GPN3: variants seen among roughly 807,000 people sequenced by gnomAD.
The protein encoded by GPN3 is ATP-binding domain 1 family member C.
In GPN3, 31 loss-of-function variants were observed where a neutral mutation model predicts 38.7. That is an observed-to-expected ratio of 0.80 (90% CI 0.60 to 1.08). The LOEUF (loss-of-function observed/expected upper bound fraction) is 1.08. Ranked by LOEUF, GPN3 falls within the 50% of genes least tolerant of loss-of-function variation. The pLI is 0.00. For missense variants in GPN3, 301 were observed against 354.4 expected (o/e 0.85, Z 1.21); for synonymous variants, 116 against 120.2 (o/e 0.96, Z 0.23).
In GPN3 at chr12:110,455,698, A is replaced by G. The variant is rs372048507; in HGVS notation, c.567-16T>C. The G allele has an allele frequency of 2.3e-5, 26 of 1,111,958 alleles. No individual in the cohort carries two copies. In the Middle Eastern group the frequency reaches 1.6e-3, roughly 67 times the overall value. 68.9% of individuals were successfully genotyped at this position (1,111,958 alleles called of 1,614,324 possible). A position where few individuals can be genotyped will look rare whatever the true frequency, so the allele number is the denominator to read the frequency against. On this transcript the variant is annotated splice_polypyrimidine_tract_variant and intron_variant, in intron 5 of 7. Coordinates refer to ENST00000228827, the MANE Select transcript of GPN3 (RefSeq NM_016301.4). ...ATCTAAAAATCTTTAAAAGACAGAA[A>G]GACTGATGAATTCAGGAGACTAGGT...
At chr12:110,459,621 A>T in intron 3 of GPN3, 74 bp downstream of exon 3, 1 of 981,166 alleles carries the variant, frequency 1.0e-6, no homozygotes, top group Non-Finnish European at 1.6e-6. Context: ...ACAAATACTC[A>T]CTCTCCTTTC....
At chr12:110,468,040 T>A (rs1407835329) in intron 1 of GPN3, 116 bp downstream of exon 1, 1 of 1,377,298 alleles carries the variant, frequency 7.3e-7, no homozygotes, top group Non-Finnish European at 1.0e-6. Context: ...CAGAAATGAG[T>A]TGCGTGGGGT....
At chr12:110,461,147 A>T (rs1200964262) in intron 2 of GPN3, 2 of 1,303,738 alleles carry the variant, frequency 1.5e-6, no homozygotes, top group Admixed American at 3.4e-5. Context: ...GAAATTTGCC[A>T]TGAAGGAGAT....
At chr12:110,459,240 G>GTT (rs60209835) in intron 3 of GPN3, among the ~76,000 whole-genome samples, 8,702 of 142,376 alleles carry the variant, frequency 0.061, 321 homozygotes, top group Middle Eastern at 0.096. Context: ...ACTTTTTTTT[G>GTT]TTTTTTTTTT....
At chr12:110,456,329 CAAAAAAAA>C (rs59734369) in intron 4 of GPN3, among the ~76,000 whole-genome samples, 5 of 67,062 alleles carry the variant, frequency 7.5e-5, no homozygotes, top group Non-Finnish European at 1.6e-4. Context: ...AACTTGGTCT[CAAAAAAAA>C]AAAAAAAAAA....
intron 2 of GPN3, 89 bp downstream of exon 2, chr12:110,465,017 A>T: frequency 1.3e-6 from 1 of 771,062 alleles, no homozygotes; most frequent in Admixed American, 1.8e-5. Flanking sequence ...CCAGACTATA[A>T]TAAGTATCAG....
intron 6 of GPN3, among the ~76,000 whole-genome samples, chr12:110,454,384 T>C (rs183726998): frequency 6.7e-5 from 10 of 149,454 alleles, no homozygotes; most frequent in African/African-American, 2.3e-4. Flanking sequence ...TCATCTTTTT[T>C]TTTCTTTTTT....
At chr12:110,460,175 T>C (rs992192908) in intron 2 of GPN3, among the ~76,000 whole-genome samples, 7 of 152,208 alleles carry the variant, frequency 4.6e-5, no homozygotes, top group Admixed American at 1.3e-4. Flanking sequence ...AATGCTATCA[T>C]TGGTGTTAAT....
chr12:110,460,956 T>G (rs2062583347), intron 2 of GPN3: 2 of 1,028,044 alleles, frequency 1.9e-6, no homozygotes, highest in Non-Finnish European at 3.1e-6. Flanking sequence ...AGAGCAAGAC[T>G]CCATCTCACT....
chr12:110,458,777 T>C lies in GPN3; in HGVS notation c.325+918A>G, dbSNP rs555748957. On this transcript the variant is annotated intron_variant, in intron 3 of 7. Coordinates refer to ENST00000228827, the MANE Select transcript of GPN3 (RefSeq NM_016301.4). This position sits in a 1 kb window ranked among gnomAD's most constrained non-coding sequence, Gnocchi z 4.4. ...CCTGGGTGACAGGAATGAAACTCAG[T>C]CTCAAAAAAAAGAAAAAAAAAAAAG... Among the ~76,000 whole-genome samples the C allele has an allele frequency of 1.7e-3, 261 of 149,212 alleles. 5 individuals are homozygous for C. Among genetic ancestry groups the C allele is most frequent in the Middle Eastern group, 0.014 (4 of 292 alleles).
chr12:110,455,268 G>A (rs566106030), intron 6 of GPN3, among the ~76,000 whole-genome samples: 1 of 151,412 alleles, frequency 6.6e-6, no homozygotes, highest in Non-Finnish European at 1.5e-5. Context: ...GATTACAGGC[G>A]CACACCACCA....
chr12:110,460,029 C>T (rs2062576148), intron 2 of GPN3, among the ~76,000 whole-genome samples, 167 bp from the exon 3 acceptor site: 1 of 152,012 alleles, frequency 6.6e-6, no homozygotes, highest in Admixed American at 6.6e-5. Context: ...GAGAACTGAG[C>T]AAATAAATTA....
At chr12:110,453,168 AT>A (rs2062525351) in intron 7 of GPN3, 72 bp from the exon 8 acceptor site, 3 of 759,658 alleles carry the variant, frequency 3.9e-6, no homozygotes, top group African/African-American at 1.7e-5. Flanking sequence ...GTGTTTATAT[AT>A]TTTTCAGGTA....
rs773719298 is a variant in GPN3 at position 110,453,881 on chromosome 12, G to C, written c.664-10C>G. On this transcript the variant is annotated splice_polypyrimidine_tract_variant and intron_variant, in intron 6 of 7. Transcript: ENST00000228827. ...TGCTGTAGTCATCAATCTACAAGTT[G>C]TGGATTTCAAGAAAAGTTCATTCTG... The C allele has an allele frequency of 3.1e-6, 5 of 1,591,768 alleles. No homozygotes were observed. In the South Asian group the frequency reaches 5.7e-5, roughly 18 times the overall value.
At position 110,468,190 on chromosome 12, in the gene GPN3, G is replaced by C; in HGVS notation, c.14C>G (p.Ala5Gly). The change falls in exon 1 of 8, where the codon GCG becomes GGG. Residue 5 changes from alanine to glycine, a missense_variant. Transcript: ENST00000228827. Reference protein sequence around the residue: MPRYAQLVMGPAGSG... With the variant: MPRYGQLVMGPAGSG... ...GCCCGCGGGGCCCATGACCAGCTGC[G>C]CATACCGAGGCATGTTGGCTCCCGG... The C allele has an allele frequency of 6.2e-7, 1 of 1,609,174 alleles. No individual in the cohort carries two copies. The highest frequency in any genetic ancestry group is 8.5e-7 in the Non-Finnish European group (1 of 1,179,910).
intron 6 of GPN3, among the ~76,000 whole-genome samples, chr12:110,454,432 C>CAA (rs1269413565): frequency 1.5e-4 from 22 of 146,150 alleles, no homozygotes; most frequent in African/African-American, 5.6e-4. Context: ...TCTTGTTGCT[C>CAA]AACCTCCACC....
At chr12:110,460,378 C>G (rs1365351774) in intron 2 of GPN3, among the ~76,000 whole-genome samples, 2 of 152,090 alleles carry the variant, frequency 1.3e-5, no homozygotes, top group Non-Finnish European at 2.9e-5. Context: ...CATTATGAAC[C>G]ATGTGAATAT....
At chr12:110,463,457 C>T (rs765424018) in intron 2 of GPN3, among the ~76,000 whole-genome samples, 1 of 150,046 alleles carries the variant, frequency 6.7e-6, no homozygotes, top group Non-Finnish European at 1.5e-5. Flanking sequence ...GTCTCAAAAA[C>T]AAAACGACAA....
rs1467663138 is a variant in GPN3, at chr12:110,457,536, A to T, written c.424T>A (p.Ser142Thr). 6.2e-7 allele frequency: 1 copy of T among 1,611,354 alleles called. No homozygotes were observed. The highest frequency in any genetic ancestry group is 1.7e-5 in the Admixed American group (1 of 59,622). ...TTGAATGACTCCACCATGAACTGAG[A>T]ATCAACAAGAAAAACTCCACAGACT... ...FRVCGVFLVD[S>T]QFMVESFKFI... is the part of the protein sequence containing the mutation. The change falls in exon 4 of 8, where the codon TCT becomes ACT. Residue 142 changes from serine to threonine, a missense_variant. Transcript: ENST00000228827.
Sources: allele counts gnomAD v4.1 joint callset (sites outside exome capture counted in the v4.1 genomes callset), GRCh38; gene constraint gnomAD v4.1.1; non-coding constraint Gnocchi (gnomAD v3.1); transcripts MANE v1.5; gene names NCBI Gene and HGNC (gene_info 2026-07-23, HGNC 2026-07-21).